RARB: variants seen among roughly 807,000 people sequenced by gnomAD.
RARB encodes retinoic acid receptor beta.
A neutral mutation model predicts 51.9 loss-of-function variants in RARB; 17 were observed. The observed-to-expected ratio is 0.33, with a 90% CI of 0.22 to 0.49. RARB has a LOEUF of 0.49. Among genes scored for constraint, RARB ranks in the 20% least tolerant of loss-of-function variants. The pLI is 0.99. For missense variants in RARB, 369 were observed against 550.8 expected, an observed-to-expected ratio of 0.67 and a Z score of 3.30; for synonymous variants, 215 against 195.4, an observed-to-expected ratio of 1.10 and a Z score of -0.84.
At chr3:25,040,412 G>A (rs1165014541) in intron 2 of RARB, among the ~76,000 whole-genome samples, 1 of 152,114 alleles carries the variant, frequency 6.6e-6, no homozygotes, top group Non-Finnish European at 1.5e-5. Flanking sequence ...TTGTTCAAAT[G>A]AGCTGGATTG....
intron 2 of RARB, among the ~76,000 whole-genome samples, chr3:24,908,185 G>A (rs1694908886): frequency 6.6e-6 from 1 of 152,146 alleles, no homozygotes; most frequent in Non-Finnish European, 1.5e-5. Context: ...TTCTTGTTCA[G>A]ATATTTGGTC....
chr3:25,407,156 G>A (rs1054721384), intron 5 of RARB, among the ~76,000 whole-genome samples: 1 of 152,016 alleles, frequency 6.6e-6, no homozygotes, highest in Non-Finnish European at 1.5e-5. Flanking sequence ...AAATGGCTTC[G>A]GCAGTTCCCC....
At chr3:25,129,086 A>T (rs1241581465) in intron 3 of RARB, among the ~76,000 whole-genome samples, 1 of 152,104 alleles carries the variant, frequency 6.6e-6, no homozygotes, top group Non-Finnish European at 1.5e-5. Context: ...TCAGTAAATA[A>T]GAATTTTATG....
chr3:25,206,700 G>GTTA (rs1427999415), intron 5 of RARB, among the ~76,000 whole-genome samples: 1 of 152,128 alleles, frequency 6.6e-6, no homozygotes, highest in Non-Finnish European at 1.5e-5. Flanking sequence ...TTATGTTGGG[G>GTTA]TTATTCTTTC....
At chr3:25,163,030 T>G (rs1479352124) in intron 4 of RARB, among the ~76,000 whole-genome samples, 2 of 152,242 alleles carry the variant, frequency 1.3e-5, no homozygotes, top group Non-Finnish European at 2.9e-5. Flanking sequence ...ACATTTGATA[T>G]TCTCACCAGC....
chr3:25,222,388 C>G (rs113138251), intron 5 of RARB, among the ~76,000 whole-genome samples: 1 of 152,098 alleles, frequency 6.6e-6, no homozygotes, highest in Non-Finnish European at 1.5e-5. Context: ...TTCATTTCTT[C>G]GGGTACGTAA....
At chr3:24,877,863 A>C (rs1703077340) in intron 2 of RARB, among the ~76,000 whole-genome samples, 1 of 152,192 alleles carries the variant, frequency 6.6e-6, no homozygotes, top group Non-Finnish European at 1.5e-5. Flanking sequence ...CATGAATGTG[A>C]GCCTCTAATC....
At chr3:25,456,470 C>T (rs1321188339) in intron 1 of RARB, among the ~76,000 whole-genome samples, 2 of 150,720 alleles carry the variant, frequency 1.3e-5, no homozygotes, top group East Asian at 1.9e-4. Flanking sequence ...ATGCCATATC[C>T]TGGTTTCCTG....
chr3:25,342,228 G>A (rs1705250104), intron 5 of RARB, among the ~76,000 whole-genome samples: 1 of 152,216 alleles, frequency 6.6e-6, no homozygotes, highest in Admixed American at 6.5e-5. Context: ...AGAAAGTGAT[G>A]AGTTTAGTCA....
At chr3:25,446,720 G>A (rs554487247) in intron 1 of RARB, among the ~76,000 whole-genome samples, 24 of 146,434 alleles carry the variant, frequency 1.6e-4, no homozygotes, top group Non-Finnish European at 3.4e-4. Context: ...GGAGAATAGC[G>A]TGAACCCGGG....
chr3:24,856,633 C>A (rs1178899777), intron 1 of RARB, among the ~76,000 whole-genome samples: 1 of 152,152 alleles, frequency 6.6e-6, no homozygotes, highest in Non-Finnish European at 1.5e-5. Context: ...CATTTTCAGT[C>A]CTTAAAAATA....
chr3:25,051,989 C>T (rs1698342413), intron 2 of RARB, among the ~76,000 whole-genome samples: 1 of 152,132 alleles, frequency 6.6e-6, no homozygotes, highest in Non-Finnish European at 1.5e-5. Context: ...GCTACAGGCA[C>T]AGTATAAGAT....
chr3:25,580,058 G>C lies in RARB; in HGVS notation c.610-488G>C, dbSNP rs140362786. 1.2e-4 allele frequency among the ~76,000 whole-genome samples: 19 copies of C among 152,332 alleles called. No homozygotes were observed. The East Asian group carries it at 2.9e-3, about 23-fold the overall frequency. On this transcript the variant is annotated intron_variant, in intron 4 of 7. Coordinates refer to ENST00000330688, the MANE Select transcript of RARB (RefSeq NM_000965.5). Reference sequence around the variant, plus strand: ...GTTACTTGATTATCCAGTGGTACAGGCATAAGATTTTAAGTGTTTTAAAAG... The same window carrying C: ...GTTACTTGATTATCCAGTGGTACAGCCATAAGATTTTAAGTGTTTTAAAAG...
intron 3 of RARB, among the ~76,000 whole-genome samples, chr3:25,567,142 T>C (rs926155831): frequency 6.6e-6 from 1 of 152,234 alleles, no homozygotes; most frequent in Non-Finnish European, 1.5e-5. Context: ...GTTGGTGTTG[T>C]TTTGTGATAT....
At chr3:25,248,521 G>A (rs369140226) in intron 5 of RARB, among the ~76,000 whole-genome samples, 48 of 152,226 alleles carry the variant, frequency 3.2e-4, no homozygotes, top group African/African-American at 1.1e-3. Context: ...CTTATGGTGT[G>A]TTTGCTCTAC....
At chr3:24,866,450 A>G (rs751807038) in intron 2 of RARB, among the ~76,000 whole-genome samples, 23 of 152,092 alleles carry the variant, frequency 1.5e-4, no homozygotes, top group Non-Finnish European at 2.5e-4. Context: ...AAGGCAAGGC[A>G]CTCTGGATTG....
intron 5 of RARB, among the ~76,000 whole-genome samples, chr3:25,209,064 G>A (rs548311963): frequency 2.8e-4 from 42 of 152,308 alleles, no homozygotes; most frequent in African/African-American, 8.7e-4. Context: ...GGCTGAAGAC[G>A]TGTCACCTAT....
intron 2 of RARB, among the ~76,000 whole-genome samples, chr3:25,475,106 G>C (rs1234865384): frequency 6.6e-6 from 1 of 152,174 alleles, no homozygotes; most frequent in Non-Finnish European, 1.5e-5. Context: ...TCACGTGTAT[G>C]ATGTTTGCTG....
chr3:24,958,263 T>TTTTTTTTG (rs1696063441), intron 2 of RARB, among the ~76,000 whole-genome samples: 1 of 118,486 alleles, frequency 8.4e-6, no homozygotes, highest in Non-Finnish European at 1.6e-5. Context: ...AGGTTTTTTT[T>TTTTTTTTG]TTTTTTTTTT....
Sources: gnomAD v4.1 joint callset for allele counts (sites outside exome capture counted in the v4.1 genomes callset) on GRCh38, gnomAD v4.1.1 for gene constraint, MANE v1.5 for transcripts, NCBI Gene and HGNC (gene_info 2026-07-23, HGNC 2026-07-21) for gene names.